The following TSC2 variants were observed in gnomAD, a reference collection of about 807,000 sequenced individuals.
TSC2 encodes the protein tuberin.
Under a neutral mutation model 202.2 loss-of-function variants are expected in TSC2, and 29 were observed. The ratio of observed to expected loss-of-function variants is 0.14; its 90% confidence interval spans 0.11 to 0.20. TSC2 has a LOEUF of 0.20. Ranked by LOEUF, TSC2 falls within the 10% of genes least tolerant of loss-of-function variation. The pLI, the probability that TSC2 is intolerant of heterozygous loss-of-function variation, is 1.00. For synonymous variants in TSC2, 1,349 were observed against 1,044.0 expected, an observed-to-expected ratio of 1.29 and a Z score of -5.63; for missense variants, 2,429 against 2,420.0, an observed-to-expected ratio of 1.00 and a Z score of -0.08.
chr16:2,054,246 G>C, intron 4 of TSC2, 50 bp from the exon 5 acceptor site: 1 of 1,613,434 alleles, frequency 6.2e-7, no homozygotes, highest in African/African-American at 1.3e-5. Flanking sequence ...CTTGGCAGCC[G>C]TGTGGGCGAC....
chr16:2,071,080 T>C (rs1394234696), intron 17 of TSC2, among the ~76,000 whole-genome samples: 1 of 152,130 alleles, frequency 6.6e-6, no homozygotes, highest in African/African-American at 2.4e-5. Flanking sequence ...GTGACTGGGA[T>C]GGGAGCCCTC....
chr16:2,067,470 TGATTAAAAAC>T (rs2087550501), intron 16 of TSC2, among the ~76,000 whole-genome samples: 2 of 151,556 alleles, frequency 1.3e-5, no homozygotes, highest in African/African-American at 4.8e-5. Flanking sequence ...CCGTGGTGTT[TGATTAAAAAC>T]CAGGCATCAG....
chr16:2,067,673 G>A (rs1291027352), intron 16 of TSC2, among the ~76,000 whole-genome samples: 2 of 152,188 alleles, frequency 1.3e-5, no homozygotes, highest in Non-Finnish European at 2.9e-5. Flanking sequence ...GGGAGGCTGA[G>A]GCAGGAGAAT....
In TSC2 at chr16:2,047,990, C is replaced by T; in HGVS notation, c.-105C>T. On this transcript the variant is annotated 5_prime_UTR_variant, in exon 1 of 42. Transcript: ENST00000219476. ...CTACCGGAAGTGCGGGTCGCGCTTC[C>T]GGCGGCGTCCCGGGGCCAGGGGGGT... The T allele has an allele frequency of 6.6e-7, 1 of 1,511,170 alleles. No homozygotes were observed. The highest frequency in any genetic ancestry group is 8.8e-7 in the Non-Finnish European group (1 of 1,131,768). 93.6% of individuals were successfully genotyped at this position (1,511,170 alleles called of 1,614,324 possible).
intron 12 of TSC2, 51 bp from the exon 13 acceptor site, chr16:2,062,446 A>G (rs1182266255): frequency 2.0e-6 from 3 of 1,527,748 alleles, no homozygotes; most frequent in Non-Finnish European, 1.8e-6. Flanking sequence ...CAGTGTGGAG[A>G]AGGAGAGCGC....
chr16:2,057,128 C>G lies in TSC2; in HGVS notation c.798C>G (p.Thr266=), dbSNP rs1172338384. 1 of 1,551,624 alleles carries G rather than the reference C, an allele frequency of 6.4e-7. No homozygotes were observed. The highest frequency in any genetic ancestry group is 2.0e-5 in the Admixed American group (1 of 51,022). Residue 266 remains threonine, a synonymous_variant, in exon 9 of 42, where the codon ACC becomes ACG. Transcript: ENST00000219476. ...AGCTGATGCGGAACCTCCTTGGCAC[C>G]CACCTGGGCCACAGCGCCATCTACA... The part of the protein sequence containing the change: ...CWKLMRNLLG[T]HLGHSAIYNM...
At chr16:2,086,440 G>T in intron 37 of TSC2, 61 bp downstream of exon 37, 1 of 1,581,694 alleles carries the variant, frequency 6.3e-7, no homozygotes, top group Non-Finnish European at 8.6e-7. Context: ...CTCCCATCCA[G>T]TCCTGCTACC....
intron 38 of TSC2, among the ~76,000 whole-genome samples, chr16:2,087,556 A>G (rs959863535): frequency 6.6e-6 from 1 of 150,768 alleles, no homozygotes. Flanking sequence ...GGCTCACTTC[A>G]TGGCTGGGCA....
chr16:2,064,237 G>GCTGGCGCTCATTGGC, intron 14 of TSC2, 35 bp from the exon 15 acceptor site: 1 of 1,613,742 alleles, frequency 6.2e-7, no homozygotes. Context: ...CCCTCGTTGG[G>GCTGGCGCTCATTGGC]CTGGCGCTCA....
Position 2,065,412 on chromosome 16 carries a change from CAAAAAAAAAAAAA to C in TSC2, c.1600-95_1600-83del, listed in dbSNP as rs369052665. The stretch of plus-strand genomic sequence containing the variant: ...TGGGCGACAGAGCAAGACTCGATCT[CAAAAAAAAAAAAA>C]AAAAAAAAAAAGGTGTTTGTGGTAG... On this transcript the variant is annotated intron_variant, in intron 15 of 41. Transcript: ENST00000219476. 2.1e-3 allele frequency: 882 copies of C among 426,974 alleles called. 4 individuals carry two copies. Among genetic ancestry groups the C allele is most frequent in the Non-Finnish European group, 2.5e-3 (602 of 238,140 alleles). 26.4% of individuals were successfully genotyped at this position (426,974 alleles called of 1,614,324 possible). A position where few individuals can be genotyped will look rare whatever the true frequency, so the allele number is the denominator to read the frequency against.
intron 17 of TSC2, chr16:2,071,272 G>C (rs2088331538): frequency 1.0e-5 from 6 of 594,080 alleles, no homozygotes; most frequent in South Asian, 3.7e-5. Flanking sequence ...AGCTGTGGTG[G>C]TGGGGACACC....
At chr16:2,054,714 G>C in intron 5 of TSC2, 2 of 529,490 alleles carry the variant, frequency 3.8e-6, no homozygotes, top group Non-Finnish European at 6.8e-6. Flanking sequence ...GGCAGGAGCT[G>C]GGCGAGTTCT....
At chr16:2,071,269 G>A in intron 17 of TSC2, 1 of 591,080 alleles carries the variant, frequency 1.7e-6, no homozygotes, top group Middle Eastern at 4.5e-4. Flanking sequence ...CCCAGCTGTG[G>A]TGGTGGGGAC....
At chr16:2,072,102 T>C in intron 19 of TSC2, 139 bp from the exon 20 acceptor site, 1 of 1,533,848 alleles carries the variant, frequency 6.5e-7, no homozygotes, top group Non-Finnish European at 8.8e-7. Flanking sequence ...AGGCCTGCGC[T>C]GGGCAGGCTC....
At chr16:2,056,992 C>G in intron 8 of TSC2, 113 bp from the exon 9 acceptor site, 1 of 1,435,412 alleles carries the variant, frequency 7.0e-7, no homozygotes, top group South Asian at 1.2e-5. Flanking sequence ...TGGTGGCGAG[C>G]TGGCCGGACC....
At chr16:2,081,403 C>T (rs947223776) in intron 30 of TSC2, 192 bp from the exon 31 acceptor site, 32 of 728,324 alleles carry the variant, frequency 4.4e-5, no homozygotes, top group Middle Eastern at 3.8e-4. Flanking sequence ...AGCCTGGCCT[C>T]GAGGCAGGGG....
intron 13 of TSC2, 109 bp downstream of exon 13, chr16:2,062,709 C>A: frequency 8.1e-7 from 1 of 1,232,110 alleles, no homozygotes; most frequent in Non-Finnish European, 1.2e-6. Context: ...GCCCTCCCCT[C>A]TGCCTCTGGA....
intron 31 of TSC2, 184 bp downstream of exon 31, chr16:2,081,982 C>T: frequency 1.2e-6 from 1 of 858,968 alleles, no homozygotes; most frequent in Admixed American, 2.1e-5. Flanking sequence ...GTCTGCCCTG[C>T]TCAGGAAGCT....
At chr16:2,084,885 C>G in intron 34 of TSC2, 66 bp from the exon 35 acceptor site, 8 of 1,607,594 alleles carry the variant, frequency 5.0e-6, no homozygotes, top group South Asian at 1.1e-5. Flanking sequence ...CTGTGTTCCT[C>G]CCTGTGGGCT....
Sources: allele counts gnomAD v4.1 joint callset (sites outside exome capture counted in the v4.1 genomes callset), GRCh38; gene constraint gnomAD v4.1.1; transcripts MANE v1.5; gene names NCBI Gene and HGNC (gene_info 2026-07-23, HGNC 2026-07-21).